Variants in SOX5 observed in about 807,000 individuals in gnomAD.
The protein encoded by SOX5 is SRY-box transcription factor 5, also known as transcription factor SOX-5.
Under a neutral mutation model 92.0 loss-of-function variants are expected in SOX5, and 9 were observed. The ratio of observed to expected loss-of-function variants is 0.10; its 90% CI spans 0.06 to 0.17. The LOEUF (loss-of-function observed/expected upper bound fraction) is 0.17. SOX5 is among the 10% of genes least tolerant of loss of function. The probability of loss-of-function intolerance (pLI) is 1.00; values close to 1 mark genes in which losing one functional copy is unlikely to be tolerated. For synonymous variants in SOX5, 344 were observed against 336.3 expected, an observed-to-expected ratio of 1.02 and a Z score of -0.25; for missense variants, 642 against 944.5, an observed-to-expected ratio of 0.68 and a Z score of 4.20.
chr12:23,645,990 G>A (rs796641816), intron 7 of SOX5, among the ~76,000 whole-genome samples: 41 of 152,184 alleles, frequency 2.7e-4, no homozygotes, highest in African/African-American at 9.1e-4. Flanking sequence ...ATAGAATTAT[G>A]TCTAAAACAT....
chr12:24,405,166 C>A (rs1962634665), intron 1 of SOX5, among the ~76,000 whole-genome samples: 1 of 152,142 alleles, frequency 6.6e-6, no homozygotes, highest in African/African-American at 2.4e-5. Context: ...ACTATGGAAG[C>A]TCTAGCAAAC....
At chr12:24,067,636 T>C (rs1479459655) in intron 4 of SOX5, among the ~76,000 whole-genome samples, 1 of 152,198 alleles carries the variant, frequency 6.6e-6, no homozygotes, top group Non-Finnish European at 1.5e-5. Flanking sequence ...TGGTCCTCCT[T>C]ATTATTCTGA....
intron 2 of SOX5, among the ~76,000 whole-genome samples, chr12:24,332,275 C>T (rs1951418887): frequency 6.6e-6 from 1 of 152,266 alleles, no homozygotes; most frequent in Non-Finnish European, 1.5e-5. Flanking sequence ...GATCTAATTT[C>T]AGCAATACTG....
At chr12:23,839,828 T>TAAA (rs34051233) in intron 3 of SOX5, among the ~76,000 whole-genome samples, 2 of 146,588 alleles carry the variant, frequency 1.4e-5, no homozygotes, top group South Asian at 2.1e-4. Context: ...CTCAACTTGG[T>TAAA]AAAAAAAAAA....
intron 1 of SOX5, among the ~76,000 whole-genome samples, chr12:24,541,777 A>C (rs1952151182): frequency 6.6e-6 from 1 of 152,190 alleles, no homozygotes; most frequent in Admixed American, 6.5e-5. Flanking sequence ...TAAATGTAAA[A>C]GGAGAAAATG....
chr12:24,073,018 T>C (rs1314763281), intron 4 of SOX5, among the ~76,000 whole-genome samples: 2 of 152,128 alleles, frequency 1.3e-5, no homozygotes, highest in African/African-American at 2.4e-5. Context: ...CAAAGAAAAG[T>C]AAAAATGTAA....
At chr12:24,231,277 A>G (rs1310494857) in intron 3 of SOX5, among the ~76,000 whole-genome samples, 6 of 151,912 alleles carry the variant, frequency 3.9e-5, no homozygotes, top group African/African-American at 1.5e-4. Context: ...TGTTTTCAAC[A>G]CACATGTTTA....
At chr12:24,253,401 C>G (rs1940549797) in intron 3 of SOX5, among the ~76,000 whole-genome samples, 1 of 151,238 alleles carries the variant, frequency 6.6e-6, no homozygotes, top group African/African-American at 2.4e-5. Flanking sequence ...AAAATGAAGA[C>G]TAATCTAGAA....
chr12:24,204,481 AC>A (rs1202625249), intron 4 of SOX5, among the ~76,000 whole-genome samples: 13 of 151,890 alleles, frequency 8.6e-5, no homozygotes, highest in African/African-American at 1.2e-4. Flanking sequence ...GGTGGCCACT[AC>A]CATGTCTGAC....
intron 4 of SOX5, among the ~76,000 whole-genome samples, chr12:24,203,352 C>T (rs1385189375): frequency 6.6e-6 from 1 of 152,130 alleles, no homozygotes; most frequent in African/African-American, 2.4e-5. Context: ...CTGGAATCAT[C>T]CATTTCTACA....
At chr12:23,712,329 G>A (rs2092130317) in intron 6 of SOX5, among the ~76,000 whole-genome samples, 1 of 152,070 alleles carries the variant, frequency 6.6e-6, no homozygotes, top group Non-Finnish European at 1.5e-5. Flanking sequence ...ATGTAAACCT[G>A]GTATATTAAA....
chr12:23,760,727 G>T (rs73075704), intron 3 of SOX5, among the ~76,000 whole-genome samples: 1 of 151,904 alleles, frequency 6.6e-6, no homozygotes, highest in Non-Finnish European at 1.5e-5. Context: ...TCTTAAGACC[G>T]ACTCCCTCAT....
intron 1 of SOX5, among the ~76,000 whole-genome samples, chr12:24,412,709 T>C (rs1174249068): frequency 6.6e-6 from 1 of 152,094 alleles, no homozygotes; most frequent in Non-Finnish European, 1.5e-5. Context: ...ATATGATCTC[T>C]CTTGGAATAT....
chr12:24,370,664 C>T (rs999738119), intron 1 of SOX5, among the ~76,000 whole-genome samples: 23 of 151,798 alleles, frequency 1.5e-4, no homozygotes, highest in Admixed American at 5.9e-4. Context: ...TGGGGGCACG[C>T]GCGTGTAGTC....
intron 1 of SOX5, among the ~76,000 whole-genome samples, chr12:24,392,289 T>C (rs1596230827): frequency 6.6e-6 from 1 of 152,178 alleles, no homozygotes; most frequent in East Asian, 1.9e-4. Context: ...AAAATGTTCA[T>C]CTGACCAAGT....
chr12:24,256,814 C>T (rs113148916), intron 3 of SOX5, among the ~76,000 whole-genome samples: 1 of 152,164 alleles, frequency 6.6e-6, no homozygotes, highest in East Asian at 1.9e-4. Flanking sequence ...GTACAGTTAC[C>T]CCGTTATTGT....
At chr12:23,617,521 G>A (rs2076705708) in intron 8 of SOX5, among the ~76,000 whole-genome samples, 1 of 152,134 alleles carries the variant, frequency 6.6e-6, no homozygotes, top group Admixed American at 6.6e-5. Context: ...TGCAAATTCA[G>A]TCTTACTCAG....
At chr12:24,094,864 C>T (rs1945129708) in intron 4 of SOX5, among the ~76,000 whole-genome samples, 1 of 152,102 alleles carries the variant, frequency 6.6e-6, no homozygotes, top group Admixed American at 6.6e-5. Context: ...TCCACTCTGT[C>T]TAAATCTTTT....
chr12:24,003,352 A>T (rs765825741), intron 4 of SOX5, among the ~76,000 whole-genome samples: 2 of 152,038 alleles, frequency 1.3e-5, no homozygotes, highest in Admixed American at 6.6e-5. Context: ...ATCTTACTGG[A>T]AAGTAAGATG....
Sources: allele counts gnomAD v4.1 joint callset (sites outside exome capture counted in the v4.1 genomes callset), GRCh38; gene constraint gnomAD v4.1.1; transcripts MANE v1.5; gene names NCBI Gene and HGNC (gene_info 2026-07-23, HGNC 2026-07-21).